DENND4A: variants seen among roughly 807,000 people sequenced by gnomAD.
The protein encoded by DENND4A is C-myc promoter-binding protein.
A neutral mutation model predicts 199.3 loss-of-function variants in DENND4A; 70 were observed. That is an observed-to-expected ratio of 0.35 (90% confidence interval 0.29 to 0.43). The LOEUF (loss-of-function observed/expected upper bound fraction) is 0.43. Among genes scored for constraint, DENND4A ranks in the 20% least tolerant of loss-of-function variants. The pLI is 1.00. For missense variants in DENND4A, 1,723 were observed against 2,255.8 expected, an observed-to-expected ratio of 0.76 and a Z score of 4.78; for synonymous variants, 686 against 766.9, an observed-to-expected ratio of 0.89 and a Z score of 1.74.
chr15:65,748,039 CAAAAAAAAAAAAA>C lies in DENND4A; in HGVS notation c.561+4327_561+4339del, dbSNP rs34813076. 5.2e-3 allele frequency among the ~76,000 whole-genome samples: 284 copies of C among 54,416 alleles called. 1 individual carries two copies. The highest frequency in any genetic ancestry group is 6.3e-3 in the Non-Finnish European group (192 of 30,270). The allele number at this position is 54,416 out of a possible 152,430, so 35.7% of individuals were successfully genotyped here. On this transcript the variant is annotated intron_variant, in intron 4 of 32. Transcript: ENST00000443035. ...TGGGCGACAGAGCGATACTCCGTCT[CAAAAAAAAAAAAA>C]AAAAAAAAAAAGGAAAAAAAAAAAG... is the stretch of plus-strand genomic sequence containing the variant.
At chr15:65,687,312 CACT>C (rs2076820547) in intron 23 of DENND4A, among the ~76,000 whole-genome samples, 1 of 152,002 alleles carries the variant, frequency 6.6e-6, no homozygotes, top group African/African-American at 2.4e-5. Context: ...TACTGATGTT[CACT>C]ACTGTCAAAC....
intron 4 of DENND4A, among the ~76,000 whole-genome samples, chr15:65,748,778 G>A (rs2076481441): frequency 6.6e-6 from 1 of 151,924 alleles, no homozygotes; most frequent in Non-Finnish European, 1.5e-5. Flanking sequence ...TGGAGCTCAG[G>A]AGTTCAAGAC....
At position 65,724,396 on chromosome 15, in the gene DENND4A, T is replaced by A. The variant is rs555942495; in HGVS notation, c.1488-1448A>T. On this transcript the variant is annotated intron_variant, in intron 11 of 32. Coordinates refer to ENST00000443035, the MANE Select transcript of DENND4A (RefSeq NM_001320835.1). ...TTTTTGAATCGTTTTTTTTTTTTTT[T>A]ATTTCAAAAGCAATGAATATTCATT... 5.5e-3 allele frequency among the ~76,000 whole-genome samples: 798 copies of A among 144,502 alleles called. 3 individuals are homozygous for A. Among genetic ancestry groups the A allele is most frequent in the Non-Finnish European group, 7.2e-3 (474 of 66,146 alleles). The allele number at this position is 144,502 out of a possible 152,430, so 94.8% of individuals were successfully genotyped here.
intron 11 of DENND4A, among the ~76,000 whole-genome samples, chr15:65,726,675 A>G (rs2075811150): frequency 6.6e-6 from 1 of 152,188 alleles, no homozygotes; most frequent in South Asian, 2.1e-4. Flanking sequence ...CTAAGGTTTC[A>G]TAATTAAATC....
chr15:65,720,999 G>C (rs1423803193), intron 12 of DENND4A, among the ~76,000 whole-genome samples: 2 of 84,492 alleles, frequency 2.4e-5, no homozygotes, highest in African/African-American at 8.7e-5. Context: ...TTTTTGCAGA[G>C]ACAAGGTTTC....
chr15:65,693,392 G>A (rs761564791), intron 22 of DENND4A, among the ~76,000 whole-genome samples: 20 of 152,132 alleles, frequency 1.3e-4, no homozygotes, highest in South Asian at 4.1e-4. Context: ...CAAAGCCCCT[G>A]AGCCAACATT....
intron 8 of DENND4A, among the ~76,000 whole-genome samples, chr15:65,732,118 G>C (rs1388270618): frequency 2.0e-5 from 3 of 152,100 alleles, no homozygotes; most frequent in African/African-American, 7.2e-5. Flanking sequence ...CTCTTGTGCT[G>C]TAACAGAAGA....
intron 5 of DENND4A, among the ~76,000 whole-genome samples, chr15:65,741,380 T>C (rs2076257285): frequency 6.6e-6 from 1 of 152,238 alleles, no homozygotes. Flanking sequence ...TCATGTGAAC[T>C]ACAGCTCTTA....
intron 12 of DENND4A, 76 bp from the exon 13 acceptor site, chr15:65,718,072 T>A: frequency 8.5e-7 from 1 of 1,177,238 alleles, no homozygotes; most frequent in Non-Finnish European, 1.2e-6. Flanking sequence ...AATTTTGTTG[T>A]ATTTTCAAAA....
At position 65,771,340 on chromosome 15, in the gene DENND4A, A is replaced by G. The variant is rs568600229; in HGVS notation, c.-101-9902T>C. 3.0e-5 allele frequency: 48 copies of G among 1,589,518 alleles called. No homozygotes were observed. In the East Asian group the frequency reaches 1.1e-3, roughly 36 times the overall value. On this transcript the variant is annotated intron_variant, in intron 1 of 32. Coordinates refer to ENST00000443035, the MANE Select transcript of DENND4A (RefSeq NM_001320835.1). ...AGCAGTTATTTCGAATATTAGTCACATAATCTTCCTCCACACTCTTTTCTG... is the reference window on the plus strand; with the variant it reads ...AGCAGTTATTTCGAATATTAGTCACGTAATCTTCCTCCACACTCTTTTCTG...
At chr15:65,790,944 A>C (rs767251942) in intron 1 of DENND4A, among the ~76,000 whole-genome samples, 2 of 152,208 alleles carry the variant, frequency 1.3e-5, no homozygotes, top group Non-Finnish European at 2.9e-5. Context: ...TCCTCCCCCA[A>C]GGAGAGAAGA....
chr15:65,784,009 C>T (rs2077501591), intron 1 of DENND4A, among the ~76,000 whole-genome samples: 1 of 152,002 alleles, frequency 6.6e-6, no homozygotes, highest in African/African-American at 2.4e-5. Context: ...GCCTGGTGAC[C>T]GAGGTTAACA....
At chr15:65,765,320 A>C (rs907396716) in intron 1 of DENND4A, among the ~76,000 whole-genome samples, 1 of 152,230 alleles carries the variant, frequency 6.6e-6, no homozygotes, top group African/African-American at 2.4e-5. Flanking sequence ...ATTGTAAATG[A>C]AAGTCATGCT....
chr15:65,679,418 GAAAT>G (rs1406702447), intron 23 of DENND4A, among the ~76,000 whole-genome samples: 1 of 152,052 alleles, frequency 6.6e-6, no homozygotes, highest in Non-Finnish European at 1.5e-5. Context: ...CACTTTAAAA[GAAAT>G]AATTATAATA....
At chr15:65,712,391 C>A (rs2075277830) in intron 14 of DENND4A, among the ~76,000 whole-genome samples, 1 of 152,094 alleles carries the variant, frequency 6.6e-6, no homozygotes, top group African/African-American at 2.4e-5. Context: ...ATAATATTTT[C>A]TTTTTAGTTT....
intron 4 of DENND4A, among the ~76,000 whole-genome samples, chr15:65,752,073 T>A (rs566220142): frequency 8.7e-6 from 1 of 115,486 alleles, no homozygotes; most frequent in Non-Finnish European, 1.6e-5. Context: ...CTAGTCCCGT[T>A]GAGGTGTGGG....
At chr15:65,788,606 A>C (rs1462665182) in intron 1 of DENND4A, among the ~76,000 whole-genome samples, 3 of 152,066 alleles carry the variant, frequency 2.0e-5, no homozygotes, top group Non-Finnish European at 4.4e-5. Context: ...TGCAGTAATC[A>C]CAGCACTTTG....
chr15:65,775,333 C>G (rs28651806), intron 1 of DENND4A, among the ~76,000 whole-genome samples: 29,780 of 137,184 alleles, frequency 0.22, 3,941 homozygotes, highest in East Asian at 0.74. Context: ...GGGACAGAGC[C>G]ACACCCTGCC....
At chr15:65,735,354 G>A (rs1260607503) in intron 7 of DENND4A, among the ~76,000 whole-genome samples, 2 of 152,118 alleles carry the variant, frequency 1.3e-5, no homozygotes, top group African/African-American at 4.8e-5. Context: ...CTCCAGCCTG[G>A]GCGACAGAAC....
Sources: allele counts gnomAD v4.1 joint callset (sites outside exome capture counted in the v4.1 genomes callset), GRCh38; gene constraint gnomAD v4.1.1; transcripts MANE v1.5; gene names NCBI Gene and HGNC (gene_info 2026-07-23, HGNC 2026-07-21).